DPH7: variants seen among roughly 807,000 people sequenced by gnomAD.
DPH7 encodes the protein diphthamide biosynthesis 7.
A neutral mutation model predicts 41.7 loss-of-function variants in DPH7; 44 were observed. The observed-to-expected ratio is 1.05, with a 90% CI of 0.83 to 1.36. The LOEUF (loss-of-function observed/expected upper bound fraction) is 1.36. Ranked by LOEUF, DPH7 falls within the 40% of genes most tolerant of loss-of-function variation. The pLI, the probability that DPH7 is intolerant of heterozygous loss-of-function variation, is 0.00. For missense variants in DPH7, 629 were observed against 577.5 expected (o/e 1.09, Z -0.91); for synonymous variants, 275 against 238.0 (o/e 1.16, Z -1.43).
chr9:137,574,920 G>A, intron 3 of DPH7, 77 bp from the exon 4 acceptor site: 3 of 1,591,326 alleles, frequency 1.9e-6, no homozygotes, highest in South Asian at 2.3e-5. Context: ...TCTCCTGCAG[G>A]GAAGTCATCG....
chr9:137,564,541 A>ACCC lies in DPH7; in HGVS notation c.841_842insGGG (p.Pro280_Val281insGly). 1 of 1,614,156 alleles carries ACCC rather than the reference A, an allele frequency of 6.2e-7. No homozygotes were observed. Among genetic ancestry groups the ACCC allele is most frequent in the Non-Finnish European group, 8.5e-7 (1 of 1,179,986 alleles). On this transcript the variant is annotated inframe_insertion, in exon 8 of 9. Transcript: ENST00000277540. The stretch of plus-strand genomic sequence containing the variant: ...CTTGATTCTCCATACCCCACCCTGC[A>ACCC]CAGGCGTATCTGCCAACGGCTGCTT...
At chr9:137,577,113 C>G (rs1035039303) in intron 2 of DPH7, among the ~76,000 whole-genome samples, 2 of 151,940 alleles carry the variant, frequency 1.3e-5, no homozygotes, top group African/African-American at 4.8e-5. Flanking sequence ...ATCTCCATTA[C>G]GTTAAGGCAC....
intron 5 of DPH7, among the ~76,000 whole-genome samples, chr9:137,573,221 C>T (rs901133414): frequency 9.9e-5 from 15 of 150,864 alleles, no homozygotes; most frequent in Admixed American, 2.7e-4. Flanking sequence ...ATTAGCCGGG[C>T]GTGGTGGCGG....
chr9:137,576,685 T>C (rs569429978), intron 2 of DPH7, among the ~76,000 whole-genome samples: 103 of 151,910 alleles, frequency 6.8e-4, no homozygotes, highest in African/African-American at 1.9e-4. Context: ...GGTCAGGAGA[T>C]CAAGACCATC....
At chr9:137,577,655 C>A (rs1425305165) in intron 1 of DPH7, 52 bp from the exon 2 acceptor site, 1 of 1,594,112 alleles carries the variant, frequency 6.3e-7, no homozygotes, top group Non-Finnish European at 8.6e-7. Flanking sequence ...CGAAGGAACC[C>A]AAAGGATGGG....
intron 8 of DPH7, among the ~76,000 whole-genome samples, chr9:137,561,718 T>G (rs1838643285): frequency 6.6e-6 from 1 of 152,132 alleles, no homozygotes; most frequent in Non-Finnish European, 1.5e-5. Flanking sequence ...AGACACTTTA[T>G]ATTGATAAAA....
At position 137,555,429 on chromosome 9, in the gene DPH7, GCATGGCCCTCCC is replaced by G; in HGVS notation, c.1157_1168del (p.Gly386_His389del). On this transcript the variant is annotated inframe_deletion, in exon 9 of 9. Coordinates refer to ENST00000277540, the MANE Select transcript of DPH7 (RefSeq NM_138778.5). ...TGGCTTCATTCCACTCTGGGGTCTG[GCATGGCCCTCCC>G]CATCGTTATCCTCTCTGCATTCATG... The G allele has an allele frequency of 6.2e-7, 1 of 1,614,082 alleles. No homozygotes were observed. The highest frequency in any genetic ancestry group is 8.5e-7 in the Non-Finnish European group (1 of 1,179,986).
intron 5 of DPH7, among the ~76,000 whole-genome samples, chr9:137,572,332 C>T (rs545743612): frequency 2.2e-4 from 33 of 152,198 alleles, no homozygotes; most frequent in Non-Finnish European, 4.0e-4. Flanking sequence ...GAGAAGCAGG[C>T]GTGGACCAGA....
chr9:137,565,183 C>T, intron 5 of DPH7, 29 bp from the exon 6 acceptor site: 12 of 1,609,852 alleles, frequency 7.5e-6, no homozygotes, highest in Non-Finnish European at 1.0e-5. Flanking sequence ...GCATCAACAC[C>T]ACTAATGACA....
At position 137,577,510 on chromosome 9, in the gene DPH7, C is replaced by T. The variant is rs1564473889; in HGVS notation, c.247G>A (p.Val83Ile). Residue 83 changes from valine to isoleucine, a missense_variant, in exon 2 of 9, where the codon GTC becomes ATC. Val to Ile is a conservative substitution (Grantham distance 29). Coordinates refer to ENST00000277540, the MANE Select transcript of DPH7 (RefSeq NM_138778.5). ...ATTGCAGAAGTATCTTTTCTTTGGA[C>T]CTCGACCAGAGGGTGAATAGAGTTG... ...DNNSIHPLVE[V>I]QRKDTSAILD... 1 of 1,614,066 alleles carries T rather than the reference C, an allele frequency of 6.2e-7. No homozygotes were observed. The highest frequency in any genetic ancestry group is 8.5e-7 in the Non-Finnish European group (1 of 1,179,984).
intron 8 of DPH7, among the ~76,000 whole-genome samples, chr9:137,561,467 C>T (rs1361532309): frequency 1.4e-5 from 2 of 143,100 alleles, no homozygotes; most frequent in African/African-American, 5.3e-5. Flanking sequence ...GGCGTGAACC[C>T]GGAAGGTGGA....
Position 137,564,892 on chromosome 9 carries a change from C to T in DPH7, c.776+1G>A, listed in dbSNP as rs893697583. On this transcript the variant is annotated splice_donor_variant, in intron 7 of 8. Coordinates refer to ENST00000277540, the MANE Select transcript of DPH7 (RefSeq NM_138778.5). LOFTEE classifies it high-confidence loss of function. ...GGCCCGAGAGCCTCCTGGGGACTCACCTTCCCGTGGCCAGGATGTGCTCCC... is the reference window on the plus strand; with the variant it reads ...GGCCCGAGAGCCTCCTGGGGACTCATCTTCCCGTGGCCAGGATGTGCTCCC... 1.9e-6 allele frequency: 3 copies of T among 1,592,012 alleles called. No homozygotes were observed. Among genetic ancestry groups the T allele is most frequent in the African/African-American group, 1.3e-5 (1 of 74,570 alleles).
At chr9:137,574,143 C>A in intron 5 of DPH7, 65 bp downstream of exon 5, 1 of 1,532,520 alleles carries the variant, frequency 6.5e-7, no homozygotes, top group Non-Finnish European at 8.9e-7. Context: ...ACAGGCCTCC[C>A]TCTCTCCCTC....
At position 137,560,846 on chromosome 9, in the gene DPH7, ACT is replaced by A. The variant is rs1433121665; in HGVS notation, c.949+3586_949+3587del. Among the ~76,000 whole-genome samples, 6 of 124,918 alleles carry A rather than the reference ACT, an allele frequency of 4.8e-5. No homozygotes were observed. The East Asian group carries it at 1.1e-3, about 23-fold the overall frequency. 82.0% of individuals were successfully genotyped at this position (124,918 alleles called of 152,430 possible). A position where few individuals can be genotyped will look rare whatever the true frequency, so the allele number is the denominator to read the frequency against. On this transcript the variant is annotated intron_variant, in intron 8 of 8. Transcript: ENST00000277540. Reference sequence around the variant, plus strand: ...ACTCCAGCCTGGGTGACACAGTGAGACTCTGTCTCAAAAAAAAAAAAAAAAAT... The same window carrying A: ...ACTCCAGCCTGGGTGACACAGTGAGACTGTCTCAAAAAAAAAAAAAAAAAT...
At position 137,576,136 on chromosome 9, in the gene DPH7, A is replaced by G. The variant is rs777780977; in HGVS notation, c.319T>C (p.Leu107=). The part of the protein sequence containing the change: ...CHIPVAGHAL[L]GLADASGSIQ... The stretch of plus-strand genomic sequence containing the variant: ...GATCCACTGGCATCTGCCAAGCCCA[A>G]GAGGGCATGTCCAGCCACCGGGATG... The change falls in exon 3 of 9, where the codon TTG becomes CTG. Residue 107 remains leucine (L), a synonymous_variant. Transcript: ENST00000277540. 27 of 1,613,734 alleles carry G rather than the reference A, an allele frequency of 1.7e-5. No individual in the cohort carries two copies. In the African/African-American group the frequency reaches 2.9e-4, roughly 18 times the overall value.
intron 8 of DPH7, among the ~76,000 whole-genome samples, chr9:137,563,703 G>A (rs1036594997): frequency 6.6e-6 from 1 of 152,106 alleles, no homozygotes; most frequent in African/African-American, 2.4e-5. Flanking sequence ...TTAATGGTGG[G>A]AAGATGAGGT....
chr9:137,555,723 G>T (rs745473527), intron 8 of DPH7, 75 bp from the exon 9 acceptor site: 1 of 1,479,616 alleles, frequency 6.8e-7, no homozygotes, highest in Non-Finnish European at 9.0e-7. Flanking sequence ...ACACCTGACA[G>T]GGAGACTCCA....
At position 137,565,154 on chromosome 9, in the gene DPH7, C is replaced by A; in HGVS notation, c.641G>T (p.Gly214Val). The A allele has an allele frequency of 6.2e-7, 1 of 1,614,000 alleles. No individual in the cohort carries two copies. Among genetic ancestry groups the A allele is most frequent in the Non-Finnish European group, 8.5e-7 (1 of 1,180,002 alleles). Residue 214 changes from glycine (G) to valine (V), a missense_variant and splice_region_variant, in exon 6 of 9, where the codon GGG becomes GTG. Coordinates refer to ENST00000277540, the MANE Select transcript of DPH7 (RefSeq NM_138778.5). ...NYWHPEIVYS[G>V]GDDGLLRGWD... ...GCCCCTCAGAAGGCCATCGTCGCCC[C>A]CTGTGTGGAGAAAGAGAAGCATCAA... is the stretch of plus-strand genomic sequence containing the variant.
chr9:137,556,513 G>A lies in DPH7; in HGVS notation c.950-865C>T. Reference sequence around the variant, plus strand: ...TGGAAGAAGGGCTGAGGGCAGAACAGGACCGCACTGGATTACAAAACGTGC... The same window carrying A: ...TGGAAGAAGGGCTGAGGGCAGAACAAGACCGCACTGGATTACAAAACGTGC... On this transcript the variant is annotated intron_variant, in intron 8 of 8. Coordinates refer to ENST00000277540, the MANE Select transcript of DPH7 (RefSeq NM_138778.5). This position sits in a 1 kb window ranked among gnomAD's most constrained non-coding sequence, Gnocchi z 5.2. 3.7e-6 allele frequency: 1 copy of A among 272,480 alleles called. No homozygotes were observed. Among genetic ancestry groups the A allele is most frequent in the Non-Finnish European group, 7.3e-6 (1 of 136,618 alleles). 16.9% of individuals were successfully genotyped at this position (272,480 alleles called of 1,614,324 possible). A position where few individuals can be genotyped will look rare whatever the true frequency, so the allele number is the denominator to read the frequency against.
Sources: gnomAD v4.1 joint callset for allele counts (sites outside exome capture counted in the v4.1 genomes callset) on GRCh38, gnomAD v4.1.1 for gene constraint, Gnocchi (gnomAD v3.1) non-coding constraint, MANE v1.5 for transcripts, NCBI Gene and HGNC (gene_info 2026-07-23, HGNC 2026-07-21) for gene names.